The following PATJ variants were observed in gnomAD, a reference collection of about 807,000 sequenced individuals.
PATJ encodes inaD-like protein.
Under a neutral mutation model 224.9 loss-of-function variants are expected in PATJ, and 190 were observed. The observed-to-expected ratio is 0.84, with a 90% CI of 0.75 to 0.95. The LOEUF (loss-of-function observed/expected upper bound fraction) is 0.95, where lower values mean the gene tolerates loss of function less well. PATJ is among the 40% of genes least tolerant of loss of function. The pLI, the probability that PATJ is intolerant of heterozygous loss-of-function variation, is 0.00. For synonymous variants in PATJ, 769 were observed against 820.3 expected (o/e 0.94, Z 1.07); for missense variants, 2,121 against 2,270.3 (o/e 0.93, Z 1.34).
chr1:61,830,786 C>T (rs1659162676), intron 16 of PATJ, among the ~76,000 whole-genome samples: 2 of 152,116 alleles, frequency 1.3e-5, no homozygotes, highest in Non-Finnish European at 2.9e-5. Context: ...GGGGAATGGA[C>T]TTCTTATTTG....
intron 10 of PATJ, among the ~76,000 whole-genome samples, chr1:61,796,664 TTC>T (rs1278199271): frequency 2.5e-5 from 1 of 40,732 alleles, no homozygotes; most frequent in Non-Finnish European, 5.8e-5. Context: ...TTTATTTTCT[TTC>T]TTTCTTTCTT....
At chr1:61,807,143 C>T (rs1195002860) in intron 13 of PATJ, among the ~76,000 whole-genome samples, 2 of 152,020 alleles carry the variant, frequency 1.3e-5, no homozygotes, top group Non-Finnish European at 2.9e-5. Context: ...GAGGGAGACT[C>T]CACCTCAAAA....
intron 30 of PATJ, among the ~76,000 whole-genome samples, chr1:62,044,820 CAT>C (rs1451069107): frequency 1.1e-4 from 17 of 152,174 alleles, no homozygotes; most frequent in Non-Finnish European, 2.4e-4. Context: ...CAGTTTGTCA[CAT>C]GTGGTAAACA....
chr1:62,021,805 CAAGTTTCCAGAAGTTA>C, intron 29 of PATJ, among the ~76,000 whole-genome samples: 1 of 152,152 alleles, frequency 6.6e-6, no homozygotes, highest in South Asian at 2.1e-4. Flanking sequence ...GATTCATTAT[CAAGTTTCCAGAAGTTA>C]ACACTTAAAT....
chr1:62,078,564 G>C (rs1208256218), intron 31 of PATJ, among the ~76,000 whole-genome samples: 1 of 152,016 alleles, frequency 6.6e-6, no homozygotes, highest in Non-Finnish European at 1.5e-5. Flanking sequence ...GGGTTTACAG[G>C]CGTGAGCCAC....
intron 32 of PATJ, among the ~76,000 whole-genome samples, chr1:62,083,227 C>G (rs867679583): frequency 6.6e-6 from 1 of 152,172 alleles, no homozygotes; most frequent in Non-Finnish European, 1.5e-5. Context: ...CGGGCTCAAG[C>G]GATTCTCCTG....
intron 6 of PATJ, 113 bp from the exon 7 acceptor site, chr1:61,775,093 G>T: frequency 9.3e-7 from 1 of 1,073,448 alleles, no homozygotes; most frequent in Admixed American, 2.5e-5. Flanking sequence ...TTGATTAATT[G>T]CATGAATGTT....
At chr1:62,030,220 T>A (rs1412620) in intron 29 of PATJ, among the ~76,000 whole-genome samples, 34,877 of 152,126 alleles carry the variant, frequency 0.23, 4,301 homozygotes, top group Non-Finnish European at 0.28. Flanking sequence ...CAACCGAGGA[T>A]GTAGCACCTG....
At chr1:62,142,383 C>T (rs1667595473) in intron 41 of PATJ, among the ~76,000 whole-genome samples, 1 of 151,966 alleles carries the variant, frequency 6.6e-6, no homozygotes, top group Non-Finnish European at 1.5e-5. Context: ...CAACACCTAT[C>T]TCCTTGTAAC....
chr1:62,069,433 T>G (rs1189178197), intron 31 of PATJ, among the ~76,000 whole-genome samples: 1 of 152,190 alleles, frequency 6.6e-6, no homozygotes, highest in African/African-American at 2.4e-5. Flanking sequence ...CACCAACAAA[T>G]GGGTAATATG....
At chr1:61,967,833 A>T (rs1227145546) in intron 27 of PATJ, among the ~76,000 whole-genome samples, 2 of 152,026 alleles carry the variant, frequency 1.3e-5, no homozygotes, top group African/African-American at 4.8e-5. Flanking sequence ...TTTTTATCTC[A>T]ATTCCTTTCC....
At chr1:61,767,680 T>TC (rs1211177367) in intron 4 of PATJ, among the ~76,000 whole-genome samples, 1 of 143,834 alleles carries the variant, frequency 7.0e-6, no homozygotes, top group Non-Finnish European at 1.5e-5. Context: ...TTTCTTTTCT[T>TC]TTTTTTTTTT....
chr1:62,157,831 C>CAAAAAAAA (rs1160300843), intron 43 of PATJ, among the ~76,000 whole-genome samples: 1 of 59,768 alleles, frequency 1.7e-5, no homozygotes, highest in Non-Finnish European at 3.5e-5. Flanking sequence ...ACTCTGTCTC[C>CAAAAAAAA]AAAAAAAAAA....
At chr1:62,048,545 C>CAAAAAAAAAAAAAAAAA (rs773157635) in intron 30 of PATJ, among the ~76,000 whole-genome samples, 1 of 66,164 alleles carries the variant, frequency 1.5e-5, no homozygotes. Flanking sequence ...GACTCTGTCT[C>CAAAAAAAAAAAAAAAAA]AAAAAAAAAA....
intron 25 of PATJ, among the ~76,000 whole-genome samples, chr1:61,913,085 C>T (rs763098233): frequency 6.6e-6 from 1 of 152,094 alleles, no homozygotes; most frequent in Admixed American, 6.5e-5. Context: ...TCATTCTAAA[C>T]TTTATTTACA....
intron 15 of PATJ, among the ~76,000 whole-genome samples, chr1:61,826,560 C>A (rs936380382): frequency 4.6e-5 from 7 of 152,126 alleles, no homozygotes; most frequent in African/African-American, 1.4e-4. Context: ...TGACAGGACC[C>A]TTTGAGCTCA....
Position 61,922,450 on chromosome 1 carries a change from T to A in PATJ, c.3571-5280T>A, listed in dbSNP as rs7512058. ...GCTCCATGAGGGCAGGGACCTCATC[T>A]GTTGCATTATTACTCTACCTCTATC... On this transcript the variant is annotated intron_variant, in intron 26 of 43. Transcript: ENST00000642238. Among the ~76,000 whole-genome samples, 443 of 152,298 alleles carry A rather than the reference T, an allele frequency of 2.9e-3. 1 individual carries two copies. The highest frequency in any genetic ancestry group is 0.01 in the African/African-American group (422 of 41,558).
At chr1:62,048,545 CAAAAAAAAAAAA>C (rs773157635) in intron 30 of PATJ, among the ~76,000 whole-genome samples, 3 of 66,166 alleles carry the variant, frequency 4.5e-5, no homozygotes, top group Non-Finnish European at 9.7e-5. Flanking sequence ...GACTCTGTCT[CAAAAAAAAAAAA>C]AAAAAAAAAA....
intron 5 of PATJ, among the ~76,000 whole-genome samples, chr1:61,770,756 A>G (rs1309276115): frequency 6.6e-6 from 1 of 152,010 alleles, no homozygotes; most frequent in African/African-American, 2.4e-5. Context: ...CAAAAAATAC[A>G]AAAATTAGCT....
Sources: gnomAD v4.1 joint callset for allele counts (sites outside exome capture counted in the v4.1 genomes callset) on GRCh38, gnomAD v4.1.1 for gene constraint, MANE v1.5 for transcripts, NCBI Gene and HGNC (gene_info 2026-07-23, HGNC 2026-07-21) for gene names.